The following ZNF654 variants were observed in gnomAD, a reference collection of about 807,000 sequenced individuals.
ZNF654 encodes the protein zinc finger protein 654, also known as melanoma-associated antigen.
Under a neutral mutation model 95.3 loss-of-function variants are expected in ZNF654, and 19 were observed. That is an observed-to-expected ratio of 0.20 (90% CI 0.14 to 0.29). The LOEUF is 0.29. Ranked by LOEUF, ZNF654 falls within the 10% of genes least tolerant of loss-of-function variation. The pLI, the probability that ZNF654 is intolerant of heterozygous loss-of-function variation, is 1.00. For synonymous variants in ZNF654, 413 were observed against 457.9 expected (o/e 0.90, Z 1.25); for missense variants, 1,046 against 1,341.0 (o/e 0.78, Z 3.44).
intron 2 of ZNF654, among the ~76,000 whole-genome samples, chr3:88,104,659 A>G: frequency 6.6e-6 from 1 of 152,242 alleles, no homozygotes; most frequent in East Asian, 1.9e-4. Context: ...AAAGATATGT[A>G]TATTTGTAAA....
At chr3:88,127,939 A>G (rs946680465) in intron 4 of ZNF654, among the ~76,000 whole-genome samples, 1 of 152,214 alleles carries the variant, frequency 6.6e-6, no homozygotes, top group African/African-American at 2.4e-5. Context: ...CAGAATTGCA[A>G]GACAAATTTT....
intron 2 of ZNF654, among the ~76,000 whole-genome samples, chr3:88,101,750 C>G (rs1704438923): frequency 6.6e-6 from 1 of 152,104 alleles, no homozygotes. Flanking sequence ...AAACTGCTAA[C>G]CAAAGTGACT....
At chr3:88,095,656 G>T (rs549827395) in intron 2 of ZNF654, 3 of 480,556 alleles carry the variant, frequency 6.2e-6, no homozygotes, top group South Asian at 3.1e-5. Context: ...TCATCACTCT[G>T]TTCTCTTTTT....
chr3:88,062,907 A>G (rs1376524985), intron 1 of ZNF654, among the ~76,000 whole-genome samples: 1 of 152,248 alleles, frequency 6.6e-6, no homozygotes, highest in East Asian at 1.9e-4. Context: ...TATGAGGGAC[A>G]TTAGAGATAA....
intron 1 of ZNF654, among the ~76,000 whole-genome samples, chr3:88,060,359 C>A (rs543234607): frequency 6.6e-6 from 1 of 152,132 alleles, no homozygotes; most frequent in African/African-American, 2.4e-5. Flanking sequence ...TCAAATATAA[C>A]AAATATACCC....
Position 88,059,300 on chromosome 3 carries a change from C to T in ZNF654, c.-20C>T, listed in dbSNP as rs1187255449. 5.2e-6 allele frequency: 8 copies of T among 1,532,664 alleles called. No individual in the cohort carries two copies. The highest frequency in any genetic ancestry group is 1.2e-5 in the South Asian group (1 of 83,896). 94.9% of individuals were successfully genotyped at this position (1,532,664 alleles called of 1,614,324 possible). On this transcript the variant is annotated 5_prime_UTR_variant, in exon 1 of 9. Coordinates refer to ENST00000636215, the MANE Select transcript of ZNF654 (RefSeq NM_001350134.2). Reference sequence around the variant, plus strand: ...CGGCGGCGGCGCAGGGGCTGGTACGCGCTGGGCGGCGAGAGCCTCATGGCG... The same window carrying T: ...CGGCGGCGGCGCAGGGGCTGGTACGTGCTGGGCGGCGAGAGCCTCATGGCG...
At position 88,113,151 on chromosome 3, in the gene ZNF654, T is replaced by A; in HGVS notation, c.369T>A (p.Asp123Glu). The change falls in exon 3 of 9, where the codon GAT becomes GAA. Residue 123 changes from aspartate (D) to glutamate (E), a missense_variant. Asp to Glu is a conservative substitution (Grantham distance 45). Transcript: ENST00000636215. The part of the protein sequence containing the change: ...FFELLLFFGR[D>E]EFYEEPLKDI... ...AGTTGCTGCTGTTCTTTGGAAGAGATGAGTTTTATGAAGAGCCCTTAAAGG... is the reference window on the plus strand; with the variant it reads ...AGTTGCTGCTGTTCTTTGGAAGAGAAGAGTTTTATGAAGAGCCCTTAAAGG... The A allele has an allele frequency of 1.3e-6, 2 of 1,534,132 alleles. No homozygotes were observed. Among genetic ancestry groups the A allele is most frequent in the Non-Finnish European group, 1.7e-6 (2 of 1,145,770 alleles).
chr3:88,112,533 C>T (rs200719823), intron 2 of ZNF654, among the ~76,000 whole-genome samples: 1 of 8,940 alleles, frequency 1.1e-4, no homozygotes, highest in Non-Finnish European at 6.8e-4. Context: ...GGAGGAACTA[C>T]AGAATTTGAG....
At chr3:88,090,230 T>C (rs1455148796) in intron 2 of ZNF654, among the ~76,000 whole-genome samples, 4 of 152,192 alleles carry the variant, frequency 2.6e-5, no homozygotes, top group African/African-American at 7.2e-5. Context: ...TGTTATCATA[T>C]AAGGTAACAG....
chr3:88,117,939 G>C (rs1281919586), intron 3 of ZNF654, among the ~76,000 whole-genome samples: 1 of 66,520 alleles, frequency 1.5e-5, no homozygotes, highest in Non-Finnish European at 3.8e-5. Context: ...TTGCCCAATA[G>C]ATGATTAAAA....
Position 88,128,884 on chromosome 3 carries a change from T to C in ZNF654, c.626T>C (p.Ile209Thr), listed in dbSNP as rs1248402028. ...AGATACCTAATTGCTTGTGAACGCA[T>C]ACCCGAAGCAATGGCTCTTATTAAA... ...RARYLIACER[I>T]PEAMALIKSC... The change falls in exon 5 of 9, where the codon ATA becomes ACA. Residue 209 changes from isoleucine (I) to threonine (T), a missense_variant. Around this residue, in one of 9 missense-constraint regions of ZNF654, gnomAD observed 91 missense variants for 190.5 expected, o/e 0.48. Coordinates refer to ENST00000636215, the MANE Select transcript of ZNF654 (RefSeq NM_001350134.2). The C allele has an allele frequency of 5.9e-6, 9 of 1,535,486 alleles. No individual in the cohort carries two copies. Among genetic ancestry groups the C allele is most frequent in the East Asian group, 2.4e-5 (1 of 40,884 alleles).
intron 2 of ZNF654, among the ~76,000 whole-genome samples, chr3:88,097,064 A>C (rs1456060978): frequency 1.3e-5 from 2 of 152,116 alleles, no homozygotes; most frequent in African/African-American, 4.8e-5. Flanking sequence ...GTAATTAACC[A>C]GCCCCTTACT....
chr3:88,116,042 CTGG>C (rs1705369289), intron 3 of ZNF654, among the ~76,000 whole-genome samples: 1 of 152,088 alleles, frequency 6.6e-6, no homozygotes, highest in African/African-American at 2.4e-5. Context: ...AGAACTTCCA[CTGG>C]TATCCAGTCA....
chr3:88,098,690 T>G (rs911349749), intron 2 of ZNF654, among the ~76,000 whole-genome samples: 16 of 152,254 alleles, frequency 1.1e-4, no homozygotes, highest in South Asian at 1.0e-3. Context: ...CGAAAATCAA[T>G]AAACGTAATC....
intron 6 of ZNF654, among the ~76,000 whole-genome samples, chr3:88,131,416 G>T (rs374671250): frequency 1.1e-4 from 16 of 152,162 alleles, no homozygotes; most frequent in African/African-American, 3.9e-4. Flanking sequence ...TATGGGAATA[G>T]AAATGTTCTC....
chr3:88,129,868 CA>C, intron 6 of ZNF654, 42 bp downstream of exon 6: 1 of 1,344,818 alleles, frequency 7.4e-7, no homozygotes. Flanking sequence ...GTAAGATGGG[CA>C]ACAGAAAGGA....
chr3:88,109,142 A>AGTGTGTGTGTGTGTGTGTGTGTGT (rs35595112), intron 2 of ZNF654, among the ~76,000 whole-genome samples: 11 of 142,434 alleles, frequency 7.7e-5, no homozygotes, highest in Admixed American at 2.8e-4. Context: ...AGTGGGCACT[A>AGTGTGTGTGTGTGTGTGTGTGTGT]GTGTGTGTGT....
intron 7 of ZNF654, chr3:88,135,528 A>G (rs1706723771): frequency 5.8e-6 from 1 of 172,772 alleles, no homozygotes; most frequent in Non-Finnish European, 1.2e-5. Flanking sequence ...TGGTGTATCT[A>G]TCAATAATAC....
At chr3:88,082,058 T>G (rs551537338) in intron 1 of ZNF654, among the ~76,000 whole-genome samples, 2 of 152,186 alleles carry the variant, frequency 1.3e-5, no homozygotes, top group East Asian at 3.9e-4. Flanking sequence ...CATACAGGAG[T>G]GTATCACAGC....
Sources: allele counts gnomAD v4.1 joint callset (sites outside exome capture counted in the v4.1 genomes callset), GRCh38; gene constraint gnomAD v4.1.1; regional missense constraint gnomAD v4.1.1; transcripts MANE v1.5; gene names NCBI Gene and HGNC (gene_info 2026-07-23, HGNC 2026-07-21).